The following SCAPER variants were observed in gnomAD, a reference collection of about 807,000 sequenced individuals.
The protein encoded by SCAPER is S-phase cyclin A associated protein in the ER, also known as S phase cyclin A-associated protein in the endoplasmic reticulum.
Under a neutral mutation model 182.2 loss-of-function variants are expected in SCAPER, and 98 were observed. The observed-to-expected ratio is 0.54, with a 90% CI of 0.46 to 0.64. The LOEUF is 0.64. Among genes scored for constraint, SCAPER ranks in the 30% least tolerant of loss-of-function variants. SCAPER has a pLI of 0.00. For synonymous variants in SCAPER, 605 were observed against 564.6 expected (o/e 1.07, Z -1.01); for missense variants, 1,432 against 1,690.0 (o/e 0.85, Z 2.68).
intron 23 of SCAPER, among the ~76,000 whole-genome samples, chr15:76,542,725 A>G (rs188535276): frequency 4.8e-4 from 73 of 152,194 alleles, no homozygotes; most frequent in Admixed American, 2.4e-3. Flanking sequence ...TACTCTTTAT[A>G]TAAGTCTTGG....
At chr15:76,504,661 A>G (rs2041425104) in intron 24 of SCAPER, among the ~76,000 whole-genome samples, 198 bp downstream of exon 24, 1 of 152,208 alleles carries the variant, frequency 6.6e-6, no homozygotes. Context: ...GATTTCCTTT[A>G]TAAGGCTTTT....
At chr15:76,399,805 G>A (rs1361640399) in intron 27 of SCAPER, among the ~76,000 whole-genome samples, 1 of 152,028 alleles carries the variant, frequency 6.6e-6, no homozygotes, top group Admixed American at 6.6e-5. Flanking sequence ...AGGAGTTTGA[G>A]ACCAGCCTGG....
At chr15:76,602,454 T>C (rs1248465679) in intron 22 of SCAPER, among the ~76,000 whole-genome samples, 1 of 121,600 alleles carries the variant, frequency 8.2e-6, no homozygotes, top group African/African-American at 2.5e-5. Context: ...TCTTTCCCCT[T>C]TGGTCTTTCA....
chr15:76,867,132 TCAA>T (rs2151902597), intron 2 of SCAPER, among the ~76,000 whole-genome samples: 1 of 152,322 alleles, frequency 6.6e-6, no homozygotes, highest in East Asian at 1.9e-4. Context: ...CTAAATAATT[TCAA>T]CAACTTTCCC....
intron 22 of SCAPER, among the ~76,000 whole-genome samples, chr15:76,613,421 T>C (rs866424729): frequency 6.6e-6 from 1 of 152,068 alleles, no homozygotes; most frequent in African/African-American, 2.4e-5. Flanking sequence ...CACTGACAAA[T>C]GGTATCTCAT....
At chr15:76,851,849 T>C (rs1485420621) in intron 4 of SCAPER, among the ~76,000 whole-genome samples, 1 of 152,090 alleles carries the variant, frequency 6.6e-6, no homozygotes, top group East Asian at 1.9e-4. Flanking sequence ...TAACCTTGAA[T>C]GTAAATGGGC....
chr15:76,816,780 G>A (rs1332732161), intron 5 of SCAPER, among the ~76,000 whole-genome samples: 1 of 151,744 alleles, frequency 6.6e-6, no homozygotes, highest in Non-Finnish European at 1.5e-5. Flanking sequence ...AGCCTCCCGA[G>A]TAGCTGGGAC....
At chr15:76,807,639 C>G (rs564048910) in intron 5 of SCAPER, among the ~76,000 whole-genome samples, 1 of 150,532 alleles carries the variant, frequency 6.6e-6, no homozygotes, top group Admixed American at 6.6e-5. Flanking sequence ...CCCACTAACT[C>G]GTCATCTAGC....
intron 28 of SCAPER, among the ~76,000 whole-genome samples, chr15:76,377,008 T>C (rs1245967270): frequency 6.6e-6 from 1 of 151,944 alleles, no homozygotes; most frequent in Non-Finnish European, 1.5e-5. Context: ...AATAAACATG[T>C]CAAACAGACA....
chr15:76,485,610 C>T (rs969793848), intron 24 of SCAPER, among the ~76,000 whole-genome samples: 3 of 152,118 alleles, frequency 2.0e-5, no homozygotes, highest in African/African-American at 7.2e-5. Context: ...AAGCTGGAGG[C>T]ATCACTCTAC....
chr15:76,871,789 C>A (rs1568379338), intron 2 of SCAPER, among the ~76,000 whole-genome samples: 1 of 151,932 alleles, frequency 6.6e-6, no homozygotes. Flanking sequence ...CAGGGTTTCA[C>A]CATGTTGGCC....
At chr15:76,621,868 C>A (rs1466154237) in intron 21 of SCAPER, 39 bp from the exon 22 acceptor site, 2 of 1,446,322 alleles carry the variant, frequency 1.4e-6, no homozygotes, top group Admixed American at 2.0e-5. Flanking sequence ...TATTTCACTG[C>A]TAATTTTTAT....
At chr15:76,367,987 C>G (rs748573363) in intron 29 of SCAPER, among the ~76,000 whole-genome samples, 1 of 152,088 alleles carries the variant, frequency 6.6e-6, no homozygotes, top group African/African-American at 2.4e-5. Context: ...GGTTGCACTG[C>G]TGAAACTCAG....
chr15:76,697,058 C>A (rs1291798965), intron 20 of SCAPER, among the ~76,000 whole-genome samples: 1 of 152,008 alleles, frequency 6.6e-6, no homozygotes, highest in African/African-American at 2.4e-5. Context: ...GTCAAAGGTA[C>A]AATTTTATTA....
At chr15:76,619,666 GC>G (rs980172870) in intron 22 of SCAPER, among the ~76,000 whole-genome samples, 1 of 152,028 alleles carries the variant, frequency 6.6e-6, no homozygotes, top group African/African-American at 2.4e-5. Context: ...GTATACATGT[GC>G]CATGCTGGTG....
At chr15:76,541,717 G>A (rs1025156404) in intron 23 of SCAPER, among the ~76,000 whole-genome samples, 4 of 152,150 alleles carry the variant, frequency 2.6e-5, no homozygotes, top group Admixed American at 2.0e-4. Flanking sequence ...ACTGGTGGCA[G>A]AGTAATGCCT....
At chr15:76,519,407 T>C (rs896613054) in intron 23 of SCAPER, among the ~76,000 whole-genome samples, 3 of 152,206 alleles carry the variant, frequency 2.0e-5, no homozygotes, top group Non-Finnish European at 4.4e-5. Context: ...GAAGTAGGGA[T>C]CTGAGAAAGA....
At chr15:76,636,858 C>T (rs1301924952) in intron 21 of SCAPER, among the ~76,000 whole-genome samples, 4 of 152,140 alleles carry the variant, frequency 2.6e-5, no homozygotes, top group East Asian at 1.9e-4. Context: ...TGTGGAGGTA[C>T]GAACTTTGGT....
At position 76,905,319 on chromosome 15, in the gene SCAPER, T is replaced by C; in HGVS notation, c.-80A>G. ...CTCACCCCCGACCGCCCTGCTTAGTTCGGGGCGGCTCAAAGCGTCCCGCCG... is the reference window on the plus strand; with the variant it reads ...CTCACCCCCGACCGCCCTGCTTAGTCCGGGGCGGCTCAAAGCGTCCCGCCG... On this transcript the variant is annotated 5_prime_UTR_variant, in exon 1 of 32. Coordinates refer to ENST00000563290, the MANE Select transcript of SCAPER (RefSeq NM_020843.4). 1 of 257,308 alleles carries C rather than the reference T, an allele frequency of 3.9e-6. No individual in the cohort carries two copies. Among genetic ancestry groups the C allele is most frequent in the Non-Finnish European group, 8.1e-6 (1 of 123,594 alleles). The allele number at this position is 257,308 out of a possible 1,614,324, so 15.9% of individuals were successfully genotyped here. A position where few individuals can be genotyped will look rare whatever the true frequency, so the allele number is the denominator to read the frequency against.
Sources: gnomAD v4.1 joint callset for allele counts (sites outside exome capture counted in the v4.1 genomes callset) on GRCh38, gnomAD v4.1.1 for gene constraint, MANE v1.5 for transcripts, NCBI Gene and HGNC (gene_info 2026-07-23, HGNC 2026-07-21) for gene names.